INPP4B: variants seen among roughly 807,000 people sequenced by gnomAD.
INPP4B encodes inositol polyphosphate 4-phosphatase type II.
A neutral mutation model predicts 122.5 loss-of-function variants in INPP4B; 55 were observed. The observed-to-expected ratio is 0.45, with a 90% confidence interval of 0.36 to 0.56. INPP4B has a LOEUF of 0.56. Among genes scored for constraint, INPP4B ranks in the 20% least tolerant of loss-of-function variants. The pLI, the probability that INPP4B is intolerant of heterozygous loss-of-function variation, is 0.00. For missense variants in INPP4B, 1,000 were observed against 1,097.7 expected, an observed-to-expected ratio of 0.91 and a Z score of 1.26; for synonymous variants, 403 against 388.7, an observed-to-expected ratio of 1.04 and a Z score of -0.43.
chr4:142,156,778 T>TAAAAGA (rs1817459396), intron 17 of INPP4B, among the ~76,000 whole-genome samples: 1 of 152,116 alleles, frequency 6.6e-6, no homozygotes, highest in Non-Finnish European at 1.5e-5. Context: ...AGCAGGATTC[T>TAAAAGA]CTTTTTTGAC....
intron 2 of INPP4B, among the ~76,000 whole-genome samples, chr4:142,648,541 C>A (rs1752285001): frequency 6.6e-6 from 1 of 152,182 alleles, no homozygotes; most frequent in Non-Finnish European, 1.5e-5. Flanking sequence ...TCAGTGGGTC[C>A]CACACCCACG....
At chr4:142,267,235 G>A (rs1372542166) in intron 10 of INPP4B, among the ~76,000 whole-genome samples, 1 of 152,066 alleles carries the variant, frequency 6.6e-6, no homozygotes, top group Admixed American at 6.5e-5. Flanking sequence ...AACCACAAAA[G>A]AGCTTGAAGA....
At chr4:142,478,277 AC>A in intron 2 of INPP4B, among the ~76,000 whole-genome samples, 1 of 152,056 alleles carries the variant, frequency 6.6e-6, no homozygotes, top group East Asian at 1.9e-4. Flanking sequence ...TCTTTCTCTT[AC>A]TTATTGCTCT....
chr4:142,743,501 T>C (rs1368018845), intron 1 of INPP4B, among the ~76,000 whole-genome samples: 1 of 151,952 alleles, frequency 6.6e-6, no homozygotes, highest in African/African-American at 2.4e-5. Flanking sequence ...GAGTTACTGC[T>C]ACTGATTGAG....
At chr4:142,614,215 CTG>C (rs1743207742) in intron 2 of INPP4B, among the ~76,000 whole-genome samples, 1 of 152,078 alleles carries the variant, frequency 6.6e-6, no homozygotes, top group Non-Finnish European at 1.5e-5. Flanking sequence ...GAGCAAGACT[CTG>C]TCTCAAAACA....
chr4:142,278,896 G>A (rs1749889892), intron 9 of INPP4B, among the ~76,000 whole-genome samples: 1 of 151,916 alleles, frequency 6.6e-6, no homozygotes, highest in African/African-American at 2.4e-5. Context: ...GGTCTTGGCT[G>A]TCACCTGGAT....
intron 2 of INPP4B, among the ~76,000 whole-genome samples, chr4:142,569,676 T>C (rs1732399190): frequency 6.6e-6 from 1 of 152,148 alleles, no homozygotes; most frequent in African/African-American, 2.4e-5. Flanking sequence ...GATTATATTC[T>C]AAGAAGATTC....
intron 2 of INPP4B, among the ~76,000 whole-genome samples, chr4:142,639,410 G>A (rs1157962497): frequency 2.0e-5 from 3 of 152,058 alleles, no homozygotes; most frequent in Non-Finnish European, 4.4e-5. Context: ...GTTAATTATT[G>A]ATTAAATAGG....
At chr4:142,369,572 G>A (rs553445108) in intron 7 of INPP4B, among the ~76,000 whole-genome samples, 2 of 147,352 alleles carry the variant, frequency 1.4e-5, no homozygotes, top group African/African-American at 5.1e-5. Flanking sequence ...ATGAGACCCT[G>A]TCTCGAAAAT....
chr4:142,660,331 A>C (rs551956289), intron 2 of INPP4B, among the ~76,000 whole-genome samples: 1 of 152,232 alleles, frequency 6.6e-6, no homozygotes, highest in South Asian at 2.1e-4. Flanking sequence ...TGCTAGGAAG[A>C]GAAGGGAACT....
At chr4:142,063,361 C>CT (rs754005847) in intron 25 of INPP4B, among the ~76,000 whole-genome samples, 1 of 152,142 alleles carries the variant, frequency 6.6e-6, no homozygotes, top group Non-Finnish European at 1.5e-5. Context: ...TTCACACATG[C>CT]TTTTTACCTC....
chr4:142,121,277 G>A (rs1796452310), intron 21 of INPP4B, among the ~76,000 whole-genome samples: 1 of 151,994 alleles, frequency 6.6e-6, no homozygotes, highest in South Asian at 2.1e-4. Flanking sequence ...GTGGTTCTGG[G>A]TATCCTTCAT....
chr4:142,156,167 G>T (rs1023087515), intron 17 of INPP4B, among the ~76,000 whole-genome samples: 1 of 151,746 alleles, frequency 6.6e-6, no homozygotes, highest in Admixed American at 6.6e-5. Flanking sequence ...ACTAAGAATT[G>T]TTTTTCTAGT....
chr4:142,757,718 C>T (rs1160380485), intron 1 of INPP4B, among the ~76,000 whole-genome samples: 1 of 116,056 alleles, frequency 8.6e-6, no homozygotes, highest in Admixed American at 7.7e-5. Flanking sequence ...CAAATTTGGG[C>T]AATTATGAAT....
At chr4:142,398,076 T>TA (rs936811463) in intron 7 of INPP4B, among the ~76,000 whole-genome samples, 22 of 150,944 alleles carry the variant, frequency 1.5e-4, no homozygotes, top group African/African-American at 4.6e-4. Flanking sequence ...TTATGGAGAT[T>TA]AAAAAAAACA....
Position 142,237,997 on chromosome 4 carries a change from C to A in INPP4B, c.703G>T (p.Val235Leu). ...GTGGGAAATCTATATAATTTACATA[C>A]TGGGTTCTTTAACACTGGAAAAAAA... is the stretch of plus-strand genomic sequence containing the variant. The part of the protein sequence containing the change: ...PFLNSVLKNP[V>L]CKLYRFPTSD... Residue 235 changes from valine to leucine, a missense_variant, in exon 12 of 26, where the codon GTA (valine) becomes TTA (leucine). By Grantham distance (32) the Val-to-Leu change is conservative. Transcript: ENST00000262992. The A allele has an allele frequency of 2.6e-6, 4 of 1,540,764 alleles. No homozygotes were observed. Among genetic ancestry groups the A allele is most frequent in the Non-Finnish European group, 3.6e-6 (4 of 1,122,246 alleles).
chr4:142,710,801 T>C (rs1178373956), intron 2 of INPP4B, among the ~76,000 whole-genome samples: 2 of 152,226 alleles, frequency 1.3e-5, no homozygotes, highest in Non-Finnish European at 2.9e-5. Context: ...TATAATACAT[T>C]CATAGTTGAA....
intron 7 of INPP4B, among the ~76,000 whole-genome samples, chr4:142,398,912 T>C (rs897864692): frequency 3.3e-5 from 5 of 152,174 alleles, no homozygotes; most frequent in African/African-American, 1.2e-4. Context: ...TTTAACAAGC[T>C]GATGGTACCA....
chr4:142,369,536 C>T (rs1047588368), intron 7 of INPP4B, among the ~76,000 whole-genome samples: 2 of 150,900 alleles, frequency 1.3e-5, no homozygotes, highest in East Asian at 2.0e-4. Context: ...GTAATCATAC[C>T]ACTGCATTTC....
Sources: gnomAD v4.1 joint callset for allele counts (sites outside exome capture counted in the v4.1 genomes callset) on GRCh38, gnomAD v4.1.1 for gene constraint, MANE v1.5 for transcripts, NCBI Gene and HGNC (gene_info 2026-07-23, HGNC 2026-07-21) for gene names.